Variants in PSIP1 observed in about 807,000 individuals in gnomAD.
PSIP1 encodes PC4 and SRSF1 interacting protein 1.
PSIP1 carries 19 observed loss-of-function variants against 74.7 expected under a neutral mutation model. That is an observed-to-expected ratio of 0.25 (90% CI 0.18 to 0.37). PSIP1 has a LOEUF of 0.37. Among genes scored for constraint, PSIP1 ranks in the 10% least tolerant of loss-of-function variants. The pLI, the probability that PSIP1 is intolerant of heterozygous loss-of-function variation, is 1.00. For missense variants in PSIP1, 601 were observed against 614.3 expected, an observed-to-expected ratio of 0.98 and a Z score of 0.23; for synonymous variants, 222 against 195.3, an observed-to-expected ratio of 1.14 and a Z score of -1.14.
Position 15,471,332 on chromosome 9 carries a change from GTAA to G in PSIP1, c.977+1297_977+1299del, listed in dbSNP as rs773892761. The G allele has an allele frequency of 6.4e-6, 10 of 1,566,764 alleles. No individual in the cohort carries two copies. The African/African-American group carries it at 9.5e-5, about 15-fold the overall frequency. On this transcript the variant is annotated intron_variant, in intron 10 of 15. Coordinates refer to ENST00000380733, the MANE Select transcript of PSIP1 (RefSeq NM_033222.5). ...CAAAACTGTCCAAGTACAAAGTTTT[GTAA>G]TAACAGGAGAAGGAAAGAAAACACA...
rs1430061223 is a variant in PSIP1 at position 15,510,169 on chromosome 9, G to A, written c.20C>T (p.Pro7Leu). The stretch of plus-strand genomic sequence containing the variant: ...CATCTTGGCGAAGATGAGGTCTCCA[G>A]GTTTGAAATCGCGAGTCATGTTTCG... Reference protein sequence around the residue: MTRDFKPGDLIFAKMKG... With the variant: MTRDFKLGDLIFAKMKG... The change falls in exon 2 of 16, where the codon CCT becomes CTT. Residue 7 changes from proline to leucine, a missense_variant. Transcript: ENST00000380733. 1 of 1,606,768 alleles carries A rather than the reference G, an allele frequency of 6.2e-7. No individual in the cohort carries two copies. Among genetic ancestry groups the A allele is most frequent in the Non-Finnish European group, 8.5e-7 (1 of 1,176,860 alleles).
chr9:15,510,812 C>G lies in PSIP1; in HGVS notation c.-142+5G>C, dbSNP rs992903486. ...GGGCGGGGCGAGTCCCCGTCGCCCGCTCACCTGCCGGGGCCGCGGGCGCCG... is the reference window on the plus strand; with the variant it reads ...GGGCGGGGCGAGTCCCCGTCGCCCGGTCACCTGCCGGGGCCGCGGGCGCCG... On this transcript the variant is annotated splice_donor_5th_base_variant and intron_variant, in intron 1 of 15. Coordinates refer to ENST00000380733, the MANE Select transcript of PSIP1 (RefSeq NM_033222.5). 2 of 151,950 alleles carry G rather than the reference C, an allele frequency of 1.3e-5. No individual in the cohort carries two copies. Among genetic ancestry groups the G allele is most frequent in the African/African-American group, 4.8e-5 (2 of 41,372 alleles). 9.4% of individuals were successfully genotyped at this position (151,950 alleles called of 1,614,324 possible). A position where few individuals can be genotyped will look rare whatever the true frequency, so the allele number is the denominator to read the frequency against.
intron 3 of PSIP1, among the ~76,000 whole-genome samples, chr9:15,493,862 G>C (rs1048173931): frequency 1.3e-5 from 2 of 152,128 alleles, no homozygotes; most frequent in African/African-American, 2.4e-5. Context: ...ATTACAATTC[G>C]AGGTGTAATT....
At chr9:15,487,198 A>G (rs2132123200) in intron 4 of PSIP1, among the ~76,000 whole-genome samples, 1 of 151,652 alleles carries the variant, frequency 6.6e-6, no homozygotes, top group East Asian at 2.0e-4. Flanking sequence ...TCAAATAATA[A>G]AAATTAAAAA....
intron 3 of PSIP1, among the ~76,000 whole-genome samples, chr9:15,493,906 G>T: frequency 6.6e-6 from 1 of 152,124 alleles, no homozygotes; most frequent in East Asian, 1.9e-4. Context: ...CATATCAGTA[G>T]GTCAGGGACC....
chr9:15,505,125 G>C (rs1339652783), intron 3 of PSIP1: 1 of 152,080 alleles, frequency 6.6e-6, no homozygotes, highest in Non-Finnish European at 1.5e-5. Context: ...TTTTTGTAGA[G>C]ACACAGTTTC....
chr9:15,491,479 A>G (rs2036830278), intron 3 of PSIP1, among the ~76,000 whole-genome samples: 1 of 152,246 alleles, frequency 6.6e-6, no homozygotes, highest in South Asian at 2.1e-4. Context: ...TGGGCTTACA[A>G]ATAATTTTGG....
chr9:15,469,094 T>C, intron 12 of PSIP1, 36 bp from the exon 13 acceptor site: 2 of 1,549,816 alleles, frequency 1.3e-6, no homozygotes, highest in Non-Finnish European at 1.8e-6. Context: ...AGCTGTTAAT[T>C]ATCTTAACAC....
At chr9:15,509,529 A>T (rs2037755080) in intron 2 of PSIP1, among the ~76,000 whole-genome samples, 1 of 152,212 alleles carries the variant, frequency 6.6e-6, no homozygotes, top group African/African-American at 2.4e-5. Context: ...TAAACATCTC[A>T]AATAAAAAAG....
chr9:15,495,320 A>C (rs1046936232), intron 3 of PSIP1, among the ~76,000 whole-genome samples: 2 of 152,192 alleles, frequency 1.3e-5, no homozygotes, highest in Admixed American at 1.3e-4. Flanking sequence ...TTTTACATGA[A>C]TCATTTTTCT....
intron 4 of PSIP1, among the ~76,000 whole-genome samples, chr9:15,487,196 T>C (rs1349890920): frequency 2.0e-5 from 3 of 150,996 alleles, no homozygotes. Flanking sequence ...TCTCAAATAA[T>C]AAAAATTAAA....
intron 3 of PSIP1, among the ~76,000 whole-genome samples, chr9:15,493,651 G>A (rs1307559064): frequency 2.0e-5 from 3 of 152,180 alleles, no homozygotes; most frequent in Non-Finnish European, 1.5e-5. Context: ...GGCTGGGGAG[G>A]CCTCAGGAAA....
chr9:15,479,154 C>T (rs569271147), intron 7 of PSIP1, among the ~76,000 whole-genome samples: 8 of 152,142 alleles, frequency 5.3e-5, no homozygotes, highest in African/African-American at 1.4e-4. Context: ...TAAGAAAATA[C>T]TTTTAAATAG....
chr9:15,474,652 T>A (rs1299170377), intron 8 of PSIP1, among the ~76,000 whole-genome samples: 1 of 152,154 alleles, frequency 6.6e-6, no homozygotes, highest in Non-Finnish European at 1.5e-5. Context: ...GACTAGCACC[T>A]AAGTATTCCC....
intron 3 of PSIP1, among the ~76,000 whole-genome samples, chr9:15,490,682 CAAAAAA>C (rs869054621): frequency 0.011 from 640 of 57,324 alleles, 4 homozygotes; most frequent in African/African-American, 0.036. Flanking sequence ...GACTCTGTCT[CAAAAAA>C]AAAAAAAAAA....
chr9:15,490,453 C>T (rs1401673029), intron 3 of PSIP1, among the ~76,000 whole-genome samples: 1 of 151,984 alleles, frequency 6.6e-6, no homozygotes, highest in African/African-American at 2.4e-5. Context: ...GAAGCTGAGG[C>T]GGGTGGATCA....
chr9:15,466,637 G>T, intron 15 of PSIP1, 111 bp downstream of exon 15: 4 of 746,238 alleles, frequency 5.4e-6, no homozygotes, highest in Non-Finnish European at 6.2e-6. Flanking sequence ...TTCAGGAATT[G>T]GGTGATCAAA....
intron 10 of PSIP1, chr9:15,471,365 T>C (rs2035820110): frequency 3.2e-6 from 5 of 1,553,668 alleles, no homozygotes; most frequent in South Asian, 2.3e-5. Context: ...AACACAAATA[T>C]TAGAATTTGA....
chr9:15,477,881 T>A (rs2036159499), intron 8 of PSIP1, among the ~76,000 whole-genome samples: 1 of 152,046 alleles, frequency 6.6e-6, no homozygotes, highest in Non-Finnish European at 1.5e-5. Flanking sequence ...CTCACCCCTA[T>A]AATTCCAGCA....
Sources: gnomAD v4.1 joint callset for allele counts (sites outside exome capture counted in the v4.1 genomes callset) on GRCh38, gnomAD v4.1.1 for gene constraint, MANE v1.5 for transcripts, NCBI Gene and HGNC (gene_info 2026-07-23, HGNC 2026-07-21) for gene names.